RAB3GAP1: variants seen among roughly 807,000 people sequenced by gnomAD.
The protein encoded by RAB3GAP1 is rab3 GTPase-activating protein catalytic subunit.
RAB3GAP1 carries 86 observed loss-of-function variants against 130.7 expected under a neutral mutation model. The observed-to-expected ratio is 0.66, with a 90% CI of 0.55 to 0.79. The LOEUF (loss-of-function observed/expected upper bound fraction) is 0.79, where lower values mean the gene tolerates loss of function less well. Among genes scored for constraint, RAB3GAP1 ranks in the 30% least tolerant of loss-of-function variants. The pLI, the probability that RAB3GAP1 is intolerant of heterozygous loss-of-function variation, is 0.00. For synonymous variants in RAB3GAP1, 367 were observed against 401.7 expected (o/e 0.91, Z 1.03); for missense variants, 1,029 against 1,169.4 (o/e 0.88, Z 1.75).
chr2:135,145,421 CACTT>C (rs1426692858), intron 17 of RAB3GAP1, among the ~76,000 whole-genome samples: 1 of 151,186 alleles, frequency 6.6e-6, no homozygotes, highest in Non-Finnish European at 1.5e-5. Context: ...CACACACACA[CACTT>C]CTTAACCTCT....
intron 2 of RAB3GAP1, among the ~76,000 whole-genome samples, chr2:135,054,846 T>C (rs1688967926): frequency 6.6e-6 from 1 of 152,214 alleles, no homozygotes; most frequent in South Asian, 2.1e-4. Context: ...TAGTGTGCAT[T>C]TTACAATTCA....
intron 5 of RAB3GAP1, among the ~76,000 whole-genome samples, chr2:135,104,116 T>C (rs567024936): frequency 6.6e-6 from 1 of 152,252 alleles, no homozygotes; most frequent in South Asian, 2.1e-4. Context: ...CTGCAAACTA[T>C]ACAGACAAGA....
At chr2:135,064,373 G>A (rs1396274774) in intron 3 of RAB3GAP1, among the ~76,000 whole-genome samples, 1 of 152,030 alleles carries the variant, frequency 6.6e-6, no homozygotes, top group African/African-American at 2.4e-5. Flanking sequence ...AGGTTCTGCT[G>A]TCAGTCTTTT....
Position 135,143,798 on chromosome 2 carries a change from C to T in RAB3GAP1, c.1924-6571C>T, listed in dbSNP as rs192598350. Among the ~76,000 whole-genome samples the T allele has an allele frequency of 2.2e-4, 33 of 152,256 alleles. No individual in the cohort carries two copies. The East Asian group carries it at 6.0e-3, about 28-fold the overall frequency. On this transcript the variant is annotated intron_variant, in intron 17 of 23. Transcript: ENST00000264158. Reference sequence around the variant, plus strand: ...GGTCTCGATCTCCTGACCCGCCCGCCTCGGCCTCCCAAAGTGCTGGGATTA... The same window carrying T: ...GGTCTCGATCTCCTGACCCGCCCGCTTCGGCCTCCCAAAGTGCTGGGATTA...
intron 13 of RAB3GAP1, among the ~76,000 whole-genome samples, chr2:135,131,209 T>A (rs1691527599): frequency 6.6e-6 from 1 of 152,134 alleles, no homozygotes; most frequent in Admixed American, 6.5e-5. Flanking sequence ...ATGATTAGAA[T>A]TTTTTTATTT....
intron 23 of RAB3GAP1, chr2:135,167,628 G>C: frequency 7.5e-7 from 1 of 1,328,154 alleles, no homozygotes; most frequent in East Asian, 2.5e-5. Flanking sequence ...CCCTTGTCTA[G>C]CCCTATTTAA....
intron 3 of RAB3GAP1, among the ~76,000 whole-genome samples, chr2:135,073,581 G>T (rs755175277): frequency 7.9e-5 from 12 of 152,142 alleles, no homozygotes; most frequent in Non-Finnish European, 1.6e-4. Context: ...CTAGTGGCCT[G>T]GCCTTCTGCA....
At chr2:135,064,479 G>C (rs1416525760) in intron 3 of RAB3GAP1, among the ~76,000 whole-genome samples, 3 of 151,962 alleles carry the variant, frequency 2.0e-5, no homozygotes, top group Non-Finnish European at 2.9e-5. Flanking sequence ...CCTACCTGCT[G>C]TATTTTTCAA....
intron 5 of RAB3GAP1, among the ~76,000 whole-genome samples, chr2:135,094,194 C>T (rs1690226712): frequency 6.6e-6 from 1 of 152,154 alleles, no homozygotes; most frequent in Admixed American, 6.5e-5. Context: ...ATCCCATTTC[C>T]CAGCTGTTGG....
chr2:135,102,045 G>A (rs1690464093), intron 5 of RAB3GAP1, among the ~76,000 whole-genome samples: 1 of 152,162 alleles, frequency 6.6e-6, no homozygotes, highest in Non-Finnish European at 1.5e-5. Context: ...AGAACCTGTG[G>A]ATATAAGTTA....
At chr2:135,059,055 A>G (rs1049510678) in intron 3 of RAB3GAP1, 5 of 152,078 alleles carry the variant, frequency 3.3e-5, no homozygotes, top group African/African-American at 9.7e-5. Context: ...CCTGTCTCTT[A>G]AGGAAAAAAA....
At chr2:135,164,273 T>C (rs1202575735) in intron 22 of RAB3GAP1, among the ~76,000 whole-genome samples, 2 of 152,264 alleles carry the variant, frequency 1.3e-5, no homozygotes, top group Admixed American at 6.5e-5. Flanking sequence ...ATACAATTTT[T>C]TTTTCATCTT....
At chr2:135,118,888 T>TC (rs61172821) in intron 7 of RAB3GAP1, among the ~76,000 whole-genome samples, 6,867 of 152,078 alleles carry the variant, frequency 0.045, 531 homozygotes, top group African/African-American at 0.16. Context: ...GAGTGACATG[T>TC]CCCAGTGTCT....
chr2:135,098,596 C>T (rs139031463), intron 5 of RAB3GAP1, among the ~76,000 whole-genome samples: 1 of 152,244 alleles, frequency 6.6e-6, no homozygotes, highest in East Asian at 1.9e-4. Context: ...ATGGTGGTAG[C>T]AGATCCATTA....
At chr2:135,071,711 C>G (rs1689476766) in intron 3 of RAB3GAP1, among the ~76,000 whole-genome samples, 1 of 152,056 alleles carries the variant, frequency 6.6e-6, no homozygotes, top group African/African-American at 2.4e-5. Flanking sequence ...TTGTTGTTTA[C>G]CTATCAGGTC....
At chr2:135,116,640 A>C (rs1354509139) in intron 7 of RAB3GAP1, among the ~76,000 whole-genome samples, 2 of 152,320 alleles carry the variant, frequency 1.3e-5, no homozygotes, top group African/African-American at 2.4e-5. Context: ...GAGTGTGATA[A>C]TTGTATTATA....
chr2:135,128,142 T>C (rs1691412170), intron 11 of RAB3GAP1, among the ~76,000 whole-genome samples: 1 of 152,228 alleles, frequency 6.6e-6, no homozygotes. Context: ...TGCTGATTAG[T>C]AGCTGCCATT....
chr2:135,138,382 T>C (rs1420038983), intron 17 of RAB3GAP1, among the ~76,000 whole-genome samples: 1 of 151,712 alleles, frequency 6.6e-6, no homozygotes, highest in Non-Finnish European at 1.5e-5. Flanking sequence ...CCCGGGAGGT[T>C]AAGGCTGCAG....
intron 8 of RAB3GAP1, 147 bp from the exon 9 acceptor site, chr2:135,124,018 A>G (rs574326131): frequency 1.5e-6 from 1 of 675,494 alleles, no homozygotes; most frequent in South Asian, 1.8e-5. Context: ...GTTAGACTAC[A>G]TATGCTGTAA....
Sources: allele counts gnomAD v4.1 joint callset (sites outside exome capture counted in the v4.1 genomes callset), GRCh38; gene constraint gnomAD v4.1.1; transcripts MANE v1.5; gene names NCBI Gene and HGNC (gene_info 2026-07-23, HGNC 2026-07-21).